BRWD1: variants seen among roughly 807,000 people sequenced by gnomAD.
BRWD1 encodes the protein bromodomain and WD repeat-containing protein 1.
BRWD1 carries 82 observed loss-of-function variants against 251.2 expected under a neutral mutation model. The ratio of observed to expected loss-of-function variants is 0.33; its 90% CI spans 0.27 to 0.39. BRWD1 has a LOEUF of 0.39. Ranked by LOEUF, BRWD1 falls within the 10% of genes least tolerant of loss-of-function variation. The pLI is 1.00. For synonymous variants in BRWD1, 918 were observed against 902.8 expected (o/e 1.02, Z -0.30); for missense variants, 2,233 against 2,711.6 (o/e 0.82, Z 3.92).
chr21:39,294,161 T>A, intron 7 of BRWD1, 129 bp from the exon 8 acceptor site: 2 of 718,610 alleles, frequency 2.8e-6, no homozygotes, highest in Admixed American at 2.9e-5. Context: ...CTTATTTATG[T>A]AATAAATTAT....
At chr21:39,225,489 CAT>C (rs1007899602) in intron 27 of BRWD1, among the ~76,000 whole-genome samples, 1 of 152,058 alleles carries the variant, frequency 6.6e-6, no homozygotes, top group African/African-American at 2.4e-5. Context: ...CTGCAGTAAC[CAT>C]ATCTCTTCCT....
chr21:39,201,287 C>A (rs1285215041), intron 38 of BRWD1, among the ~76,000 whole-genome samples: 1 of 152,182 alleles, frequency 6.6e-6, no homozygotes, highest in Non-Finnish European at 1.5e-5. Flanking sequence ...CTCAGCTACT[C>A]CTGTCAACTC....
At chr21:39,277,434 A>G in intron 10 of BRWD1, 83 bp from the exon 11 acceptor site, 1 of 873,454 alleles carries the variant, frequency 1.1e-6, no homozygotes, top group Non-Finnish European at 1.6e-6. Context: ...AAATATAAAA[A>G]AGAAAGATCA....
intron 5 of BRWD1, chr21:39,296,895 CTTT>C: frequency 1.0e-6 from 1 of 983,834 alleles, no homozygotes; most frequent in Non-Finnish European, 1.2e-6. Context: ...GGAAAAAGTT[CTTT>C]GATTTATATG....
chr21:39,212,411 T>C (rs2032701280), intron 34 of BRWD1, among the ~76,000 whole-genome samples: 1 of 152,132 alleles, frequency 6.6e-6, no homozygotes, highest in African/African-American at 2.4e-5. Flanking sequence ...CCATGCCATA[T>C]TTCTCTACTT....
rs2031809741 is a variant in BRWD1 at position 39,196,332 on chromosome 21, G to A, written c.6737C>T (p.Thr2246Ile). The A allele has an allele frequency of 1.2e-6, 2 of 1,613,220 alleles. No individual in the cohort carries two copies. The highest frequency in any genetic ancestry group is 1.7e-6 in the Non-Finnish European group (2 of 1,179,538). ...ATCATCCCCATCATGGTATCTCACA[G>A]TCCTTCTACCCTGATTTCTCGTTTT... ...KIKTRNQGRR[T>I]VRYHDGDDDR... Residue 2246 changes from threonine to isoleucine, a missense_variant, in exon 41 of 41, where the codon ACT becomes ATT. Thr to Ile is a moderately conservative substitution (Grantham distance 89). Transcript: ENST00000342449.
intron 4 of BRWD1, among the ~76,000 whole-genome samples, chr21:39,303,570 A>G (rs2036189495): frequency 6.6e-6 from 1 of 150,894 alleles, no homozygotes; most frequent in African/African-American, 2.4e-5. Flanking sequence ...AGGAATAGTT[A>G]GGCCAGGCGA....
At chr21:39,225,836 G>A (rs2033362606) in intron 27 of BRWD1, among the ~76,000 whole-genome samples, 1 of 152,078 alleles carries the variant, frequency 6.6e-6, no homozygotes, top group South Asian at 2.1e-4. Context: ...AAAATCACTT[G>A]AAACCATAGC....
At chr21:39,274,345 T>G (rs757575527) in intron 13 of BRWD1, 29 bp downstream of exon 13, 6 of 1,517,170 alleles carry the variant, frequency 4.0e-6, no homozygotes, top group South Asian at 1.1e-5. Context: ...ACACCTATGA[T>G]GCACCTACTT....
rs1036086529 is a variant in BRWD1, at chr21:39,186,285, C to T, written c.*9974G>A. 1 of 152,134 alleles carries T rather than the reference C, an allele frequency of 6.6e-6. No individual in the cohort carries two copies. The highest frequency in any genetic ancestry group is 2.4e-5 in the African/African-American group (1 of 41,430). 9.4% of individuals were successfully genotyped at this position (152,134 alleles called of 1,614,324 possible). On this transcript the variant is annotated 3_prime_UTR_variant, in exon 41 of 41. Coordinates refer to ENST00000342449, the MANE Select transcript of BRWD1 (RefSeq NM_033656.4). ...AAGGAAAAGCCGTGATAGTAACATT[C>T]ATAGCTTTCATAGAAAAATATATAT...
At chr21:39,269,251 A>ATTT (rs1328933573) in intron 15 of BRWD1, among the ~76,000 whole-genome samples, 2 of 148,362 alleles carry the variant, frequency 1.3e-5, no homozygotes, top group East Asian at 3.9e-4. Flanking sequence ...AAAAAAAAAA[A>ATTT]TTTTTTTTTT....
chr21:39,246,567 A>G (rs2034196403), intron 21 of BRWD1, among the ~76,000 whole-genome samples: 1 of 152,250 alleles, frequency 6.6e-6, no homozygotes, highest in African/African-American at 2.4e-5. Flanking sequence ...GAATGTTGAT[A>G]AGCAGCACTA....
At chr21:39,315,246 C>G (rs945562120), upstream of BRWD1, among the ~76,000 whole-genome samples, 2 of 151,990 alleles carry the variant, frequency 1.3e-5, no homozygotes, top group Non-Finnish European at 2.9e-5. Flanking sequence ...TCAGGTGATC[C>G]ACCCGCCTTG....
At chr21:39,241,192 A>G (rs984511015) in intron 21 of BRWD1, among the ~76,000 whole-genome samples, 1 of 151,930 alleles carries the variant, frequency 6.6e-6, no homozygotes, top group Non-Finnish European at 1.5e-5. Context: ...AGGGCTGGGC[A>G]TGGTGGCTCA....
In BRWD1 at chr21:39,213,541, A is replaced by G. The variant is rs1428130553; in HGVS notation, c.3798T>C (p.Cys1266=). 6.2e-7 allele frequency: 1 copy of G among 1,610,748 alleles called. No homozygotes were observed. The highest frequency in any genetic ancestry group is 1.3e-5 in the African/African-American group (1 of 74,970). Residue 1266 remains cysteine (C), a synonymous_variant, in exon 33 of 41, where the codon TGT becomes TGC. Transcript: ENST00000342449. ...TGTTAGAAAGTTCTGAGATATTTGT[A>G]CAGTGTTGATTCCTAAAAAACAAAT... ...QLLKFIKNQH[C]TNISELSNTS...
intron 32 of BRWD1, among the ~76,000 whole-genome samples, chr21:39,214,492 A>G (rs2032799075): frequency 6.6e-6 from 1 of 152,194 alleles, no homozygotes; most frequent in Non-Finnish European, 1.5e-5. Flanking sequence ...AAAGACAAGA[A>G]AAAACTGAAG....
At chr21:39,286,084 G>T (rs137943443) in intron 8 of BRWD1, among the ~76,000 whole-genome samples, 1 of 146,584 alleles carries the variant, frequency 6.8e-6, no homozygotes, top group East Asian at 2.0e-4. Flanking sequence ...GTGCGATCTC[G>T]GCTCACTGCA....
chr21:39,187,506 G>A lies in BRWD1; in HGVS notation c.*8753C>T, dbSNP rs980187686. The stretch of plus-strand genomic sequence containing the variant: ...TAACATTCCTCAACAACACTCATTC[G>A]GAAACAATAAATTTAAAAGTCATAT... On this transcript the variant is annotated 3_prime_UTR_variant, in exon 41 of 41. Coordinates refer to ENST00000342449, the MANE Select transcript of BRWD1 (RefSeq NM_033656.4). 1.0e-5 allele frequency: 15 copies of A among 1,441,608 alleles called. No homozygotes were observed. The highest frequency in any genetic ancestry group is 2.9e-5 in the Admixed American group (1 of 34,282). The allele number at this position is 1,441,608 out of a possible 1,614,324, so 89.3% of individuals were successfully genotyped here. A position where few individuals can be genotyped will look rare whatever the true frequency, so the allele number is the denominator to read the frequency against.
chr21:39,194,857 T>C lies in BRWD1; in HGVS notation c.*1402A>G, dbSNP rs2031729843. 1.3e-6 allele frequency: 2 copies of C among 1,533,010 alleles called. No homozygotes were observed. The highest frequency in any genetic ancestry group is 2.7e-5 in the African/African-American group (2 of 73,014). The allele number at this position is 1,533,010 out of a possible 1,614,324, so 95.0% of individuals were successfully genotyped here. A position where few individuals can be genotyped will look rare whatever the true frequency, so the allele number is the denominator to read the frequency against. On this transcript the variant is annotated 3_prime_UTR_variant, in exon 41 of 41. Transcript: ENST00000342449. ...TTCAAAGATACACAGGAGAAAAGGG[T>C]TAATTTTGTCTGAAATCAAACACAA...
Sources: allele counts gnomAD v4.1 joint callset (sites outside exome capture counted in the v4.1 genomes callset), GRCh38; gene constraint gnomAD v4.1.1; transcripts MANE v1.5; gene names NCBI Gene and HGNC (gene_info 2026-07-23, HGNC 2026-07-21).